Variants in TBL1X observed in about 807,000 individuals in gnomAD.
The protein encoded by TBL1X is transducin beta like 1 X-linked.
TBL1X carries 10 observed loss-of-function variants against 50.7 expected under a neutral mutation model. That is an observed-to-expected ratio of 0.20 (90% CI 0.12 to 0.33). The LOEUF is 0.33. Among genes scored for constraint, TBL1X ranks in the 10% least tolerant of loss-of-function variants. TBL1X has a pLI of 1.00. For missense variants in TBL1X, 340 were observed against 504.4 expected (o/e 0.67, Z 3.12); for synonymous variants, 190 against 214.7 (o/e 0.88, Z 1.01).
intron 2 of TBL1X, among the ~76,000 whole-genome samples, chrX:9,605,000 C>G (rs938565843): frequency 4.5e-5 from 5 of 110,936 alleles, no homozygotes; most frequent in African/African-American, 9.8e-5. Flanking sequence ...CTAAGCCAAG[C>G]AAACATCCAC....
chrX:9,579,368 A>G (rs1045103176), intron 2 of TBL1X, among the ~76,000 whole-genome samples: 1 of 112,144 alleles, frequency 8.9e-6, no homozygotes, highest in Admixed American at 9.4e-5. Flanking sequence ...CACAGTTTCT[A>G]TGATTTCAAT....
intron 12 of TBL1X, 114 bp downstream of exon 12, chrX:9,697,543 A>T: frequency 9.6e-7 from 1 of 1,040,183 alleles, no homozygotes; most frequent in South Asian, 2.1e-5. Flanking sequence ...AAGCCGAAGC[A>T]GGTGGATTGC....
At chrX:9,629,208 C>G (rs1018223050) in intron 2 of TBL1X, among the ~76,000 whole-genome samples, 1 of 113,068 alleles carries the variant, frequency 8.8e-6, no homozygotes, top group Non-Finnish European at 1.9e-5. Flanking sequence ...CAGCAAACTA[C>G]TGCACACAGG....
At chrX:9,714,838 T>C (rs1045853099) in intron 16 of TBL1X, 64 bp from the exon 17 acceptor site, 10 of 1,075,881 alleles carry the variant, frequency 9.3e-6, no homozygotes, top group Non-Finnish European at 1.3e-5. Flanking sequence ...GGAGCGCACA[T>C]TCCACACCTG....
chrX:9,654,447 G>T, intron 5 of TBL1X, 125 bp downstream of exon 5: 4 of 746,437 alleles, frequency 5.4e-6, no homozygotes, highest in Non-Finnish European at 8.0e-6. Flanking sequence ...GGTTCTTAGT[G>T]CTGATGGGGA....
intron 2 of TBL1X, among the ~76,000 whole-genome samples, chrX:9,553,397 C>A (rs559748892): frequency 2.3e-4 from 26 of 112,155 alleles, no homozygotes; most frequent in South Asian, 1.9e-3. Context: ...GGACACAGCC[C>A]TGTGACCCAT....
chrX:9,607,810 G>GATTT (rs751058145), intron 2 of TBL1X, among the ~76,000 whole-genome samples: 68 of 108,647 alleles, frequency 6.3e-4, no homozygotes, highest in Middle Eastern at 4.6e-3. Flanking sequence ...TTTTTAAGTT[G>GATTT]ATTTATTTAT....
chrX:9,536,910 A>T (rs2082190824), intron 2 of TBL1X, among the ~76,000 whole-genome samples: 1 of 112,085 alleles, frequency 8.9e-6, no homozygotes, highest in African/African-American at 3.2e-5. Context: ...GTGGTGAGAC[A>T]GGTGCAAAGC....
intron 2 of TBL1X, among the ~76,000 whole-genome samples, chrX:9,555,139 G>A (rs982796737): frequency 9.0e-6 from 1 of 111,296 alleles, no homozygotes; most frequent in Admixed American, 9.6e-5. Flanking sequence ...GTAGTGGTAG[G>A]ATCATAGCTC....
chrX:9,688,154 G>T lies in TBL1X; in HGVS notation c.495G>T (p.Ala165=). Residue 165 remains alanine, a synonymous_variant, in exon 7 of 18, where the codon GCG becomes GCT. Coordinates refer to ENST00000645353, the MANE Select transcript of TBL1X (RefSeq NM_005647.4). ...AGCAAGCCAGTGCGGCGGCGGCGGC[G>T]GCTGCGGCCACGGCAGCAGCGACAG... ...AQQQASAAAA[A]AAATAAATAA... 1 of 1,197,122 alleles carries T rather than the reference G, an allele frequency of 8.4e-7. No homozygotes were observed.
chrX:9,651,097 G>A (rs767895436), intron 3 of TBL1X, among the ~76,000 whole-genome samples: 39 of 92,795 alleles, frequency 4.2e-4, no homozygotes, highest in Non-Finnish European at 7.2e-4. Context: ...TGGTGATCGC[G>A]GCTCACTGCA....
At chrX:9,485,779 A>C (rs1031695587) in intron 1 of TBL1X, among the ~76,000 whole-genome samples, 5 of 112,118 alleles carry the variant, frequency 4.5e-5, no homozygotes, top group African/African-American at 1.6e-4. Flanking sequence ...TGCCCTGCCA[A>C]AATCAACCAG....
At chrX:9,616,676 G>A (rs993597113) in intron 2 of TBL1X, among the ~76,000 whole-genome samples, 1 of 112,162 alleles carries the variant, frequency 8.9e-6, no homozygotes. Context: ...TTCCTACAGC[G>A]ATGGTGCTGT....
intron 13 of TBL1X, among the ~76,000 whole-genome samples, chrX:9,708,098 C>G (rs776175112): frequency 8.9e-6 from 1 of 111,951 alleles, no homozygotes; most frequent in Admixed American, 9.4e-5. Flanking sequence ...TATAGTCACC[C>G]CTGAGGGAGC....
intron 2 of TBL1X, among the ~76,000 whole-genome samples, chrX:9,539,053 G>C (rs1296001529): frequency 3.6e-5 from 4 of 112,453 alleles, no homozygotes; most frequent in African/African-American, 1.3e-4. Flanking sequence ...ACTGAGAGGA[G>C]GGGATGACAA....
At chrX:9,654,346 G>A in intron 5 of TBL1X, 24 bp downstream of exon 5, 1 of 1,192,670 alleles carries the variant, frequency 8.4e-7, no homozygotes, top group East Asian at 3.0e-5. Flanking sequence ...TTTTCTGTCG[G>A]TAGGAAATTC....
intron 1 of TBL1X, among the ~76,000 whole-genome samples, chrX:9,479,823 T>G (rs1259067498): frequency 8.9e-6 from 1 of 112,003 alleles, no homozygotes; most frequent in South Asian, 3.7e-4. Flanking sequence ...TTAAAATTGC[T>G]TATTTACCAG....
rs1280862244 is a variant in TBL1X, at chrX:9,583,774, CT to C, written c.-130-56492del. 3.6e-5 allele frequency among the ~76,000 whole-genome samples: 4 copies of C among 111,532 alleles called. No individual in the cohort carries two copies. The East Asian group carries it at 1.1e-3, about 31-fold the overall frequency. On this transcript the variant is annotated intron_variant, in intron 2 of 17. Coordinates refer to ENST00000645353, the MANE Select transcript of TBL1X (RefSeq NM_005647.4). ...AGCATTTAGTAATTATAGTTCGCCT[CT>C]TTTTTTCTGGAGGCTCAAAGTTGAT...
At position 9,716,142 on chromosome X, in the gene TBL1X, G is replaced by A. The variant is rs768401028; in HGVS notation, c.1708-78G>A. 59 of 1,100,759 alleles carry A rather than the reference G, an allele frequency of 5.4e-5. No homozygotes were observed. In the African/African-American group the frequency reaches 5.4e-4, roughly 10 times the overall value. 90.7% of individuals were successfully genotyped at this position (1,100,759 alleles called of 1,213,427 possible). ...GAGGGCTAGATTGGGCGTGGGGGCCGTAGCTTGCCGACTTCTCACTCTAAA... is the reference window on the plus strand; with the variant it reads ...GAGGGCTAGATTGGGCGTGGGGGCCATAGCTTGCCGACTTCTCACTCTAAA... On this transcript the variant is annotated intron_variant, in intron 17 of 17. Coordinates refer to ENST00000645353, the MANE Select transcript of TBL1X (RefSeq NM_005647.4).
Sources: gnomAD v4.1 joint callset for allele counts (sites outside exome capture counted in the v4.1 genomes callset) on GRCh38, gnomAD v4.1.1 for gene constraint, MANE v1.5 for transcripts, NCBI Gene and HGNC (gene_info 2026-07-23, HGNC 2026-07-21) for gene names.